Variants in AGBL4 observed in about 807,000 individuals in gnomAD.
The protein encoded by AGBL4 is AGBL carboxypeptidase 4.
In AGBL4, 58 loss-of-function variants were observed where a neutral mutation model predicts 66.4. The ratio of observed to expected loss-of-function variants is 0.87; its 90% CI spans 0.71 to 1.09. The LOEUF (loss-of-function observed/expected upper bound fraction) is 1.09, where lower values mean the gene tolerates loss of function less well. Among genes scored for constraint, AGBL4 ranks in the 50% least tolerant of loss-of-function variants. AGBL4 has a pLI of 0.00. For synonymous variants in AGBL4, 234 were observed against 222.9 expected, an observed-to-expected ratio of 1.05 and a Z score of -0.44; for missense variants, 579 against 631.0, an observed-to-expected ratio of 0.92 and a Z score of 0.88.
chr1:48,650,218 C>G (rs11586678), intron 8 of AGBL4, among the ~76,000 whole-genome samples: 1 of 152,144 alleles, frequency 6.6e-6, no homozygotes, highest in East Asian at 1.9e-4. Context: ...TCAGGCACAC[C>G]TGCATCCCTG....
intron 2 of AGBL4, among the ~76,000 whole-genome samples, chr1:49,825,060 A>G (rs1645472470): frequency 6.6e-6 from 1 of 152,110 alleles, no homozygotes; most frequent in Admixed American, 6.6e-5. Context: ...AAGTCACCCA[A>G]CCTGTTACAG....
Position 49,751,036 on chromosome 1 carries a change from G to C in AGBL4, c.158-53599C>G, listed in dbSNP as rs146413412. Among the ~76,000 whole-genome samples, 119 of 152,310 alleles carry C rather than the reference G, an allele frequency of 7.8e-4. 5 individuals carry two copies. The East Asian group carries it at 0.019, about 25-fold the overall frequency. On this transcript the variant is annotated intron_variant, in intron 2 of 13. Coordinates refer to ENST00000371839, the MANE Select transcript of AGBL4 (RefSeq NM_032785.4). ...TATACAATCATGTCATCTGCAAACA[G>C]AGATAATTTGACTTCCTCTCTTCCT...
chr1:49,949,658 C>T (rs925035689), intron 1 of AGBL4, among the ~76,000 whole-genome samples: 1 of 151,536 alleles, frequency 6.6e-6, no homozygotes, highest in Admixed American at 6.6e-5. Flanking sequence ...CAACGCGATA[C>T]CACCTTACTC....
chr1:48,999,421 T>C (rs1198349229), intron 5 of AGBL4, among the ~76,000 whole-genome samples: 1 of 152,146 alleles, frequency 6.6e-6, no homozygotes, highest in Non-Finnish European at 1.5e-5. Flanking sequence ...AGAAACTCAA[T>C]TTTAATCTGA....
At chr1:49,515,598 T>C (rs1469320514) in intron 3 of AGBL4, among the ~76,000 whole-genome samples, 5 of 151,784 alleles carry the variant, frequency 3.3e-5, no homozygotes, top group Non-Finnish European at 5.9e-5. Flanking sequence ...CATATGTTTA[T>C]TGTGGCACTA....
At chr1:49,658,370 G>A (rs1646193857) in intron 3 of AGBL4, among the ~76,000 whole-genome samples, 2 of 152,204 alleles carry the variant, frequency 1.3e-5, no homozygotes, top group South Asian at 2.1e-4. Flanking sequence ...AGGTGCTGGA[G>A]AGGATGTGGA....
chr1:48,856,111 A>G (rs1448656639), intron 6 of AGBL4, among the ~76,000 whole-genome samples: 1 of 152,236 alleles, frequency 6.6e-6, no homozygotes, highest in African/African-American at 2.4e-5. Flanking sequence ...AATATTAAAT[A>G]GTCATTGCCT....
chr1:49,832,196 T>C (rs917170012), intron 2 of AGBL4, among the ~76,000 whole-genome samples: 1 of 151,280 alleles, frequency 6.6e-6, no homozygotes, highest in South Asian at 2.1e-4. Flanking sequence ...CCTTCCTGTG[T>C]CCATGTGTTC....
intron 2 of AGBL4, among the ~76,000 whole-genome samples, chr1:49,742,385 C>T (rs974583662): frequency 3.3e-5 from 5 of 152,150 alleles, no homozygotes; most frequent in African/African-American, 9.7e-5. Flanking sequence ...CAAACCACTG[C>T]TCAACGAAAT....
intron 1 of AGBL4, among the ~76,000 whole-genome samples, chr1:49,940,359 C>G (rs1654616597): frequency 6.6e-6 from 1 of 152,002 alleles, no homozygotes; most frequent in African/African-American, 2.4e-5. Context: ...GGGTATATAC[C>G]CAAAGGACTA....
chr1:49,837,990 T>C (rs568242402), intron 2 of AGBL4, among the ~76,000 whole-genome samples: 1 of 152,024 alleles, frequency 6.6e-6, no homozygotes, highest in East Asian at 1.9e-4. Context: ...ATGAGAAAGG[T>C]TTCTTGCCCT....
intron 3 of AGBL4, among the ~76,000 whole-genome samples, chr1:49,383,351 G>C (rs919448725): frequency 6.6e-6 from 1 of 151,486 alleles, no homozygotes; most frequent in Non-Finnish European, 1.5e-5. Context: ...ATAATCTTGA[G>C]GAAAAAAAAC....
intron 2 of AGBL4, among the ~76,000 whole-genome samples, chr1:49,766,623 GCA>G (rs1363504286): frequency 1.3e-5 from 2 of 151,540 alleles, no homozygotes; most frequent in Admixed American, 1.3e-4. Flanking sequence ...CACTTAAAAG[GCA>G]CAGAGTGGCA....
intron 3 of AGBL4, among the ~76,000 whole-genome samples, chr1:49,559,526 T>C (rs2148851105): frequency 6.6e-6 from 1 of 152,278 alleles, no homozygotes; most frequent in African/African-American, 2.4e-5. Flanking sequence ...AAGAGGCAGA[T>C]CCACCCTCCA....
intron 2 of AGBL4, among the ~76,000 whole-genome samples, chr1:49,759,343 A>G (rs1157924552): frequency 6.6e-6 from 1 of 152,208 alleles, no homozygotes; most frequent in Non-Finnish European, 1.5e-5. Flanking sequence ...AAAGTAAGAG[A>G]CATTCTAAAA....
At chr1:49,457,224 T>C (rs964473078) in intron 3 of AGBL4, among the ~76,000 whole-genome samples, 1 of 151,700 alleles carries the variant, frequency 6.6e-6, no homozygotes, top group African/African-American at 2.4e-5. Flanking sequence ...ACCACATCCA[T>C]GTCAACATCT....
chr1:48,896,682 G>A (rs59379583), intron 5 of AGBL4, among the ~76,000 whole-genome samples: 1,774 of 151,228 alleles, frequency 0.012, 32 homozygotes, highest in African/African-American at 0.04. Context: ...GGAGAAGCAG[G>A]TGTGGTGCTA....
At chr1:49,189,924 A>G (rs1416025620) in intron 4 of AGBL4, among the ~76,000 whole-genome samples, 3 of 152,202 alleles carry the variant, frequency 2.0e-5, no homozygotes, top group Admixed American at 6.5e-5. Flanking sequence ...TTTTCTCTAT[A>G]TCATAAGATC....
intron 1 of AGBL4, among the ~76,000 whole-genome samples, chr1:50,011,259 A>C (rs1485504769): frequency 6.6e-6 from 1 of 152,210 alleles, no homozygotes; most frequent in Non-Finnish European, 1.5e-5. Context: ...GAAGAAATCA[A>C]AATGGCAAAC....
Sources: gnomAD v4.1 joint callset for allele counts (sites outside exome capture counted in the v4.1 genomes callset) on GRCh38, gnomAD v4.1.1 for gene constraint, MANE v1.5 for transcripts, NCBI Gene and HGNC (gene_info 2026-07-23, HGNC 2026-07-21) for gene names.